Variants in IL27RA observed in about 807,000 individuals in gnomAD.
The protein encoded by IL27RA is interleukin 27 receptor subunit alpha.
IL27RA carries 61 observed loss-of-function variants against 80.8 expected under a neutral mutation model. The observed-to-expected ratio is 0.76, with a 90% CI of 0.61 to 0.93. The LOEUF is 0.93. Among genes scored for constraint, IL27RA ranks in the 40% least tolerant of loss-of-function variants. IL27RA has a pLI of 0.00. For synonymous variants in IL27RA, 316 were observed against 332.5 expected (o/e 0.95, Z 0.54); for missense variants, 735 against 808.1 (o/e 0.91, Z 1.10).
chr19:14,051,836 C>G, intron 12 of IL27RA, 44 bp from the exon 13 acceptor site: 1 of 1,502,244 alleles, frequency 6.7e-7, no homozygotes, highest in South Asian at 1.2e-5. Flanking sequence ...GCTGGGGCAT[C>G]TGGCCATCTG....
intron 8 of IL27RA, among the ~76,000 whole-genome samples, chr19:14,048,389 C>T (rs552066972): frequency 2.0e-5 from 3 of 152,114 alleles, no homozygotes; most frequent in Non-Finnish European, 1.5e-5. Flanking sequence ...ACCAAAGAAG[C>T]GAAGGCCCAA....
rs750234906 is a variant in IL27RA, at chr19:14,031,831, C to T, written c.-42C>T. The T allele has an allele frequency of 2.0e-6, 3 of 1,513,046 alleles. No individual in the cohort carries two copies. The highest frequency in any genetic ancestry group is 2.4e-5 in the East Asian group (1 of 41,446). The allele number at this position is 1,513,046 out of a possible 1,614,324, so 93.7% of individuals were successfully genotyped here. On this transcript the variant is annotated 5_prime_UTR_variant, in exon 1 of 14. Transcript: ENST00000263379. ...AAGAGGAGCAGCGCGGCCGCGCGGA[C>T]CCGGCAAGGCTGGGCCGGACTCGGG...
rs778539745 is a variant in IL27RA, at chr19:14,036,127, GA to G, written c.219-3375del. 1.0e-4 allele frequency among the ~76,000 whole-genome samples: 15 copies of G among 150,600 alleles called. No individual in the cohort carries two copies. The East Asian group carries it at 1.2e-3, about 12-fold the overall frequency. Reference sequence around the variant, plus strand: ...GAAGAAGAAGAAGAGGAAGAGGAGGGAAAAAAGTAAGAATAATTTTAAAAGT... The same window carrying G: ...GAAGAAGAAGAAGAGGAAGAGGAGGGAAAAAGTAAGAATAATTTTAAAAGT... On this transcript the variant is annotated intron_variant, in intron 2 of 13. Transcript: ENST00000263379.
Position 14,032,822 on chromosome 19 carries a change from AAAAAGAAAAG to A in IL27RA, c.218+333_218+342del, listed in dbSNP as rs1317909973. Among the ~76,000 whole-genome samples, 7 of 116,208 alleles carry A rather than the reference AAAAAGAAAAG, an allele frequency of 6.0e-5. No individual in the cohort carries two copies. In the East Asian group the frequency reaches 2.0e-3, roughly 33 times the overall value. 76.2% of individuals were successfully genotyped at this position (116,208 alleles called of 152,430 possible). ...CTCTGTCTCAAAAAAAAAAAAAAAAAAAAAGAAAAGAAAAGAAAAGAAAGTCCCAGGAGTC... is the reference window on the plus strand; with the variant it reads ...CTCTGTCTCAAAAAAAAAAAAAAAAAAAAAGAAAAGAAAGTCCCAGGAGTC... On this transcript the variant is annotated intron_variant, in intron 2 of 13. Transcript: ENST00000263379.
intron 8 of IL27RA, among the ~76,000 whole-genome samples, chr19:14,047,228 T>TC (rs1976082024): frequency 6.7e-6 from 1 of 150,318 alleles, no homozygotes; most frequent in South Asian, 2.1e-4. Flanking sequence ...TTTTTTTTTT[T>TC]AAGTAGAGAC....
intron 8 of IL27RA, among the ~76,000 whole-genome samples, chr19:14,048,355 C>T (rs1489253181): frequency 6.6e-6 from 1 of 152,116 alleles, no homozygotes; most frequent in East Asian, 1.9e-4. Context: ...AGGACACAGT[C>T]CCAAGACCCA....
intron 1 of IL27RA, 28 bp downstream of exon 1, chr19:14,032,000 G>T (rs772680859): frequency 1.9e-6 from 3 of 1,569,710 alleles, no homozygotes; most frequent in Non-Finnish European, 1.7e-6. Flanking sequence ...CTCGTGTCCC[G>T]GGCGCTGCCG....
intron 8 of IL27RA, among the ~76,000 whole-genome samples, chr19:14,048,004 C>G (rs1976095833): frequency 6.8e-6 from 1 of 146,482 alleles, no homozygotes; most frequent in South Asian, 2.1e-4. Flanking sequence ...GTCAGCCAGG[C>G]TGGAGTGCAG....
At chr19:14,047,066 C>T (rs1976078309) in intron 8 of IL27RA, among the ~76,000 whole-genome samples, 2 of 151,308 alleles carry the variant, frequency 1.3e-5, no homozygotes, top group South Asian at 2.1e-4. Flanking sequence ...TTTTTGGAGG[C>T]AAGATCCCAC....
chr19:14,040,645 A>C (rs1474489364), intron 4 of IL27RA, among the ~76,000 whole-genome samples: 1 of 151,886 alleles, frequency 6.6e-6, no homozygotes, highest in East Asian at 2.0e-4. Flanking sequence ...ACATGGTGAA[A>C]CCCCATCTCT....
chr19:14,046,304 G>C lies in IL27RA; in HGVS notation c.919G>C (p.Glu307Gln). The C allele has an allele frequency of 6.2e-7, 1 of 1,614,046 alleles. No homozygotes were observed. The highest frequency in any genetic ancestry group is 8.5e-7 in the Non-Finnish European group (1 of 1,179,954). ...GTCCGCTGTCAACGCCACAAGCTGG[G>C]AGCCTCTCACCAACCTCTCTTTGGT... ...RVSAVNATSW[E>Q]PLTNLSLVCL... is the part of the protein sequence containing the mutation. Residue 307 changes from glutamate to glutamine, a missense_variant, in exon 7 of 14, where the codon GAG becomes CAG. Coordinates refer to ENST00000263379, the MANE Select transcript of IL27RA (RefSeq NM_004843.4).
At chr19:14,046,121 A>C (rs557005103) in intron 6 of IL27RA, 33 bp from the exon 7 acceptor site, 3 of 1,584,300 alleles carry the variant, frequency 1.9e-6, no homozygotes, top group African/African-American at 2.7e-5. Flanking sequence ...GATTAATGGG[A>C]GACATTAACC....
At chr19:14,050,988 C>T in intron 11 of IL27RA, 105 bp downstream of exon 11, 4 of 1,228,002 alleles carry the variant, frequency 3.3e-6, no homozygotes, top group Non-Finnish European at 4.5e-6. Context: ...GTGGCTCACC[C>T]CTGTAATCCT....
intron 11 of IL27RA, 147 bp downstream of exon 11, chr19:14,051,030 C>G (rs1976154595): frequency 5.1e-6 from 4 of 791,568 alleles, no homozygotes; most frequent in Non-Finnish European, 5.5e-6. Context: ...AGGTGGATCA[C>G]TTGAGCCCAG....
At chr19:14,047,917 C>T (rs1455856898) in intron 8 of IL27RA, among the ~76,000 whole-genome samples, 1 of 151,432 alleles carries the variant, frequency 6.6e-6, no homozygotes, top group Non-Finnish European at 1.5e-5. Flanking sequence ...CCTCCTCAGC[C>T]TCCCAAAGTG....
At position 14,039,834 on chromosome 19, in the gene IL27RA, C is replaced by T; in HGVS notation, c.458C>T (p.Pro153Leu). 6.2e-7 allele frequency: 1 copy of T among 1,614,168 alleles called. No homozygotes were observed. Among genetic ancestry groups the T allele is most frequent in the Non-Finnish European group, 8.5e-7 (1 of 1,180,010 alleles). The change falls in exon 4 of 14, where the codon CCA (proline) becomes CTA (leucine). Residue 153 changes from proline to leucine, a missense_variant. Transcript: ENST00000263379. ...CTGGAGGCCACTGTCCATTGGGCCC[C>T]ACCTACATGGCCATCTCATAAAGTT... Reference protein sequence around the residue: ...DPLEATVHWAPPTWPSHKVLI... With the variant: ...DPLEATVHWALPTWPSHKVLI...
chr19:14,051,718 A>G lies in IL27RA; in HGVS notation c.1622+18A>G, dbSNP rs1214451021. Reference sequence around the variant, plus strand: ...TCTGGAAGGTGAGGCTGTCGGATACATGCATCTCTACCCACGTGGGGAAGG... The same window carrying G: ...TCTGGAAGGTGAGGCTGTCGGATACGTGCATCTCTACCCACGTGGGGAAGG... On this transcript the variant is annotated intron_variant, in intron 12 of 13. Transcript: ENST00000263379. 2 of 1,568,774 alleles carry G rather than the reference A, an allele frequency of 1.3e-6. No homozygotes were observed. Among genetic ancestry groups the G allele is most frequent in the Admixed American group, 1.8e-5 (1 of 56,248 alleles).
chr19:14,042,453 C>G lies in IL27RA; in HGVS notation c.535C>G (p.Leu179Val). The G allele has an allele frequency of 1.9e-6, 3 of 1,613,538 alleles. No homozygotes were observed. Among genetic ancestry groups the G allele is most frequent in the Non-Finnish European group, 2.5e-6 (3 of 1,179,584 alleles). The stretch of plus-strand genomic sequence containing the variant: ...TCACGCTCGCCTGTCTCTCCCCCAG[C>G]TGGAACCGGAGCTGAAGACCATACC... ...RRCQEAAWTL[L>V]EPELKTIPLT... Residue 179 changes from leucine (L) to valine (V), a missense_variant and splice_region_variant, in exon 5 of 14, where the codon CTG becomes GTG. Physicochemically the swap from Leu to Val is conservative, Grantham distance 32. Transcript: ENST00000263379.
intron 8 of IL27RA, 24 bp from the exon 9 acceptor site, chr19:14,048,957 G>C: frequency 6.3e-7 from 1 of 1,598,346 alleles, no homozygotes; most frequent in Admixed American, 1.7e-5. Context: ...AACTCTAACT[G>C]GTCTTTATTT....
Sources: gnomAD v4.1 joint callset for allele counts (sites outside exome capture counted in the v4.1 genomes callset) on GRCh38, gnomAD v4.1.1 for gene constraint, MANE v1.5 for transcripts, NCBI Gene and HGNC (gene_info 2026-07-23, HGNC 2026-07-21) for gene names.